The following FBXW4 variants were observed in gnomAD, a reference collection of about 807,000 sequenced individuals.
FBXW4 encodes F-box/WD repeat-containing protein 4.
Under a neutral mutation model 61.8 loss-of-function variants are expected in FBXW4, and 40 were observed. That is an observed-to-expected ratio of 0.65 (90% CI 0.50 to 0.84). The LOEUF (loss-of-function observed/expected upper bound fraction) is 0.84. FBXW4 is among the 40% of genes least tolerant of loss of function. The probability of loss-of-function intolerance (pLI) is 0.00; values close to 1 mark genes in which losing one functional copy is unlikely to be tolerated. For synonymous variants in FBXW4, 311 were observed against 313.8 expected, an observed-to-expected ratio of 0.99 and a Z score of 0.10; for missense variants, 672 against 753.8, an observed-to-expected ratio of 0.89 and a Z score of 1.27.
intron 1 of FBXW4, among the ~76,000 whole-genome samples, chr10:101,680,298 G>A (rs2064461352): frequency 6.6e-6 from 1 of 152,084 alleles, no homozygotes; most frequent in South Asian, 2.1e-4. Flanking sequence ...CAATTGAAAT[G>A]GGGATAATAG....
At position 101,638,966 on chromosome 10, in the gene FBXW4, T is replaced by C. The variant is rs1256359130; in HGVS notation, c.1236-14156A>G. On this transcript the variant is annotated intron_variant, in intron 5 of 8. Transcript: ENST00000331272. ...ACACAGTAGGACTACAGAAGTAGGATCCATGACAATAAGAGCTACTGTATC... is the reference window on the plus strand; with the variant it reads ...ACACAGTAGGACTACAGAAGTAGGACCCATGACAATAAGAGCTACTGTATC... Among the ~76,000 whole-genome samples the C allele has an allele frequency of 3.3e-5, 5 of 152,186 alleles. No homozygotes were observed. In the South Asian group the frequency reaches 8.3e-4, roughly 25 times the overall value.
rs1458911754 is a variant in FBXW4, at chr10:101,695,015, C to T, written c.91G>A (p.Val31Met). 1 of 1,074,518 alleles carries T rather than the reference C, an allele frequency of 9.3e-7. No individual in the cohort carries two copies. Among genetic ancestry groups the T allele is most frequent in the Non-Finnish European group, 1.1e-6 (1 of 886,896 alleles). The allele number at this position is 1,074,518 out of a possible 1,614,324, so 66.6% of individuals were successfully genotyped here. Residue 31 changes from valine to methionine, a missense_variant, in exon 1 of 9, where the codon GTG becomes ATG. Physicochemically the swap from Val to Met is conservative, Grantham distance 21. Around this residue, in one of 5 missense-constraint regions of FBXW4, gnomAD observed 38 missense variants for 43.3 expected, o/e 0.88. Coordinates refer to ENST00000331272, the MANE Select transcript of FBXW4 (RefSeq NM_022039.4). The surrounding 1 kb of genome is among the most constrained non-coding windows in gnomAD (Gnocchi z 4.2). ...GEARKLQEGR[V>M]ARGKRRKGKG... is the part of the protein sequence containing the mutation. Reference sequence around the variant, plus strand: ...CCCTTCCTTCGCTTCCCCCTCGCCACCCTCCCTTCCTGCAGCTTCCTCGCC... The same window carrying T: ...CCCTTCCTTCGCTTCCCCCTCGCCATCCTCCCTTCCTGCAGCTTCCTCGCC...
chr10:101,683,076 C>G (rs1270978668), intron 1 of FBXW4, among the ~76,000 whole-genome samples: 2 of 152,256 alleles, frequency 1.3e-5, no homozygotes, highest in Non-Finnish European at 2.9e-5. Context: ...CCTGTGGGAA[C>G]GTGTCACTGC....
chr10:101,630,981 G>T (rs2063950624), intron 5 of FBXW4, among the ~76,000 whole-genome samples: 1 of 152,204 alleles, frequency 6.6e-6, no homozygotes, highest in Admixed American at 6.5e-5. Context: ...ACCATCCACA[G>T]TGGCATCTGT....
chr10:101,624,763 C>A lies in FBXW4; in HGVS notation c.1283G>T (p.Arg428Ile). The A allele has an allele frequency of 6.2e-7, 1 of 1,614,214 alleles. No individual in the cohort carries two copies. The highest frequency in any genetic ancestry group is 8.5e-7 in the Non-Finnish European group (1 of 1,180,032). The change falls in exon 6 of 9, where the codon AGA becomes ATA. Residue 428 changes from arginine (R) to isoleucine (I), a missense_variant. Arg to Ile is a moderately conservative substitution (Grantham distance 97). Coordinates refer to ENST00000331272, the MANE Select transcript of FBXW4 (RefSeq NM_022039.4). ...CTCTTACCTGTTGAGGTCCCAGATTCTCAGGGGTGAGAAGTGCCCGCAACA... is the reference window on the plus strand; with the variant it reads ...CTCTTACCTGTTGAGGTCCCAGATTATCAGGGGTGAGAAGTGCCCGCAACA... ...TACCGHFSPL[R>I]IWDLNSGQLM...
intron 4 of FBXW4, among the ~76,000 whole-genome samples, chr10:101,668,829 A>C (rs1046616743): frequency 6.6e-6 from 1 of 152,162 alleles, no homozygotes; most frequent in Non-Finnish European, 1.5e-5. Context: ...ACAGGGACAT[A>C]AGCCCCTAAC....
intron 1 of FBXW4, among the ~76,000 whole-genome samples, chr10:101,682,418 T>TG (rs1455931694): frequency 3.4e-5 from 5 of 149,214 alleles, no homozygotes; most frequent in African/African-American, 1.2e-4. Context: ...GAAATCTAAA[T>TG]GAAAAAAAAA....
In FBXW4 at chr10:101,612,400, A is replaced by G; in HGVS notation, c.1379T>C (p.Phe460Ser). Reference sequence around the variant, plus strand: ...GTCATAGCCACAGGACAGCAGTGTGAAAGGGGACTCATACATGACATCCAG... The same window carrying G: ...GTCATAGCCACAGGACAGCAGTGTGGAAGGGGACTCATACATGACATCCAG... ...GVLDVMYESPFTLLSCGYDTY... is the reference protein window; with the variant it reads ...GVLDVMYESPSTLLSCGYDTY... The change falls in exon 7 of 9, where the codon TTC (phenylalanine) becomes TCC (serine). Residue 460 changes from phenylalanine to serine, a missense_variant. This residue lies in a region of FBXW4 where 312 missense variants were observed against 370.1 expected (regional missense o/e 0.84). Coordinates refer to ENST00000331272, the MANE Select transcript of FBXW4 (RefSeq NM_022039.4). 6.2e-7 allele frequency: 1 copy of G among 1,601,158 alleles called. No homozygotes were observed.
At chr10:101,677,800 G>A (rs1248510019) in intron 1 of FBXW4, among the ~76,000 whole-genome samples, 3 of 147,686 alleles carry the variant, frequency 2.0e-5, no homozygotes, top group Non-Finnish European at 3.0e-5. Context: ...AAAAAAAAAA[G>A]AGAAAAGAAA....
chr10:101,643,427 T>C (rs1342396884), intron 5 of FBXW4, among the ~76,000 whole-genome samples: 1 of 152,220 alleles, frequency 6.6e-6, no homozygotes, highest in Non-Finnish European at 1.5e-5. Flanking sequence ...TGTCCTGACC[T>C]TGCCATCCTT....
rs1268997225 is a variant in FBXW4, at chr10:101,673,141, C to A, written c.1008-94G>T. 2.7e-6 allele frequency: 4 copies of A among 1,477,668 alleles called. No homozygotes were observed. In the East Asian group the frequency reaches 9.3e-5, roughly 34 times the overall value. 91.5% of individuals were successfully genotyped at this position (1,477,668 alleles called of 1,614,324 possible). On this transcript the variant is annotated intron_variant, in intron 3 of 8. Coordinates refer to ENST00000331272, the MANE Select transcript of FBXW4 (RefSeq NM_022039.4). ...CAGAAACAGCCCAAGTCTCCAGTGA[C>A]ATCCAAATTTGCTAAGCATTAGACA...
chr10:101,654,317 T>C (rs917001038), intron 5 of FBXW4, among the ~76,000 whole-genome samples: 1 of 152,114 alleles, frequency 6.6e-6, no homozygotes, highest in Admixed American at 6.6e-5. Flanking sequence ...CACAACTTTA[T>C]AAATTTTCTA....
rs745500210 is a variant in FBXW4 at position 101,611,743 on chromosome 10, G to T, written c.1469C>A (p.Pro490His). ...VRKCVMEWEEPHDSTLYCLQT... is the reference protein window; with the variant it reads ...VRKCVMEWEEHHDSTLYCLQT... The stretch of plus-strand genomic sequence containing the variant: ...CAGGCAGTACAGGGTGCTGTCGTGG[G>T]GCTCCTCCCACTCCATGACACATTT... The change falls in exon 8 of 9, where the codon CCC becomes CAC. Residue 490 changes from proline to histidine, a missense_variant. Physicochemically the swap from Pro to His is moderately conservative, Grantham distance 77 (BLOSUM62 -2). Coordinates refer to ENST00000331272, the MANE Select transcript of FBXW4 (RefSeq NM_022039.4). This position sits in a 1 kb window ranked among gnomAD's most constrained non-coding sequence, Gnocchi z 4.9. The T allele has an allele frequency of 1.2e-6, 2 of 1,614,026 alleles. No homozygotes were observed. Among genetic ancestry groups the T allele is most frequent in the Non-Finnish European group, 1.7e-6 (2 of 1,179,968 alleles).
intron 5 of FBXW4, among the ~76,000 whole-genome samples, chr10:101,667,253 C>A (rs1438409674): frequency 6.6e-6 from 1 of 150,602 alleles, no homozygotes; most frequent in Non-Finnish European, 1.5e-5. Context: ...AAACCAAACA[C>A]CCCATTTCTA....
At chr10:101,619,936 C>G (rs1188041647) in intron 6 of FBXW4, among the ~76,000 whole-genome samples, 1 of 152,176 alleles carries the variant, frequency 6.6e-6, no homozygotes, top group East Asian at 1.9e-4. Context: ...CACACATAGA[C>G]GTGGGTGATG....
intron 5 of FBXW4, among the ~76,000 whole-genome samples, chr10:101,661,359 G>C (rs2134875613): frequency 6.6e-6 from 1 of 152,306 alleles, no homozygotes; most frequent in South Asian, 2.1e-4. Flanking sequence ...CCAGGGTCTT[G>C]AGGAATTGAA....
At position 101,651,095 on chromosome 10, in the gene FBXW4, G is replaced by A. The variant is rs571650134; in HGVS notation, c.1235+16791C>T. Among the ~76,000 whole-genome samples, 313 of 152,162 alleles carry A rather than the reference G, an allele frequency of 2.1e-3. 2 individuals are homozygous for A. The highest frequency in any genetic ancestry group is 6.6e-3 in the African/African-American group (274 of 41,514). The stretch of plus-strand genomic sequence containing the variant: ...TGCATGCGCCTCTGCACATTCCTTC[G>A]AGAAACAGGAGCACACCAGTCTCTG... On this transcript the variant is annotated intron_variant, in intron 5 of 8. Coordinates refer to ENST00000331272, the MANE Select transcript of FBXW4 (RefSeq NM_022039.4).
At chr10:101,614,753 C>T (rs2063813291) in intron 6 of FBXW4, among the ~76,000 whole-genome samples, 1 of 152,146 alleles carries the variant, frequency 6.6e-6, no homozygotes, top group Non-Finnish European at 1.5e-5. Context: ...GTGTGGTGCC[C>T]GTGAGGTTAA....
chr10:101,658,557 G>T (rs969945314), intron 5 of FBXW4, among the ~76,000 whole-genome samples: 1 of 152,064 alleles, frequency 6.6e-6, no homozygotes, highest in African/African-American at 2.4e-5. Context: ...TGGCAGGGGG[G>T]AATGGTTTGA....
Sources: allele counts gnomAD v4.1 joint callset (sites outside exome capture counted in the v4.1 genomes callset), GRCh38; gene constraint gnomAD v4.1.1; regional missense constraint gnomAD v4.1.1; non-coding constraint Gnocchi (gnomAD v3.1); transcripts MANE v1.5; gene names NCBI Gene and HGNC (gene_info 2026-07-23, HGNC 2026-07-21).